The following OSBPL10 variants were observed in gnomAD, a reference collection of about 807,000 sequenced individuals.
OSBPL10 encodes the protein oxysterol binding protein like 10.
A neutral mutation model predicts 81.7 loss-of-function variants in OSBPL10; 49 were observed. The observed-to-expected ratio is 0.60, with a 90% confidence interval of 0.48 to 0.76. OSBPL10 has a LOEUF of 0.76. OSBPL10 is among the 30% of genes least tolerant of loss of function. The pLI, the probability that OSBPL10 is intolerant of heterozygous loss-of-function variation, is 0.00. For missense variants in OSBPL10, 923 were observed against 987.8 expected (o/e 0.93, Z 0.88); for synonymous variants, 419 against 383.6 (o/e 1.09, Z -1.08).
At chr3:31,900,627 T>A (rs1441638041) in intron 1 of OSBPL10, among the ~76,000 whole-genome samples, 1 of 152,236 alleles carries the variant, frequency 6.6e-6, no homozygotes, top group Non-Finnish European at 1.5e-5. Flanking sequence ...TTGTCTTTAT[T>A]CTAGAAGGGA....
intron 9 of OSBPL10, among the ~76,000 whole-genome samples, chr3:31,669,635 G>A (rs769787619): frequency 5.9e-5 from 9 of 152,094 alleles, no homozygotes; most frequent in African/African-American, 9.7e-5. Flanking sequence ...GGAGATTTGC[G>A]ACCTCTCTTT....
chr3:31,757,273 C>T (rs1188023056), intron 4 of OSBPL10, among the ~76,000 whole-genome samples: 3 of 151,932 alleles, frequency 2.0e-5, no homozygotes, highest in Non-Finnish European at 4.4e-5. Flanking sequence ...GAGGGTGGTC[C>T]CTAATCCGGT....
intron 3 of OSBPL10, among the ~76,000 whole-genome samples, chr3:31,867,278 C>T (rs549831769): frequency 1.6e-4 from 25 of 152,220 alleles, no homozygotes; most frequent in South Asian, 4.1e-4. Flanking sequence ...ATTTCTAATG[C>T]GATGAGTATC....
At chr3:31,990,314 CCATTGCAAAT>C (rs1370371278) in intron 2 of OSBPL10, 1 of 1,613,800 alleles carries the variant, frequency 6.2e-7, no homozygotes, top group African/African-American at 1.3e-5. Context: ...AATGCTACAA[CCATTGCAAAT>C]CATTGGAGAA....
At chr3:32,043,377 G>A (rs1403225724) in intron 2 of OSBPL10, among the ~76,000 whole-genome samples, 2 of 152,112 alleles carry the variant, frequency 1.3e-5, no homozygotes, top group Non-Finnish European at 2.9e-5. Context: ...CTTTTTCAAG[G>A]TGCACTGATT....
chr3:31,709,012 T>C, intron 6 of OSBPL10: 2 of 985,474 alleles, frequency 2.0e-6, no homozygotes, highest in Non-Finnish European at 2.4e-6. Context: ...CAACCAACTG[T>C]GCCTCAAAGG....
At chr3:32,050,073 T>G (rs908942543) in intron 1 of OSBPL10, among the ~76,000 whole-genome samples, 1 of 152,222 alleles carries the variant, frequency 6.6e-6, no homozygotes, top group Non-Finnish European at 1.5e-5. Flanking sequence ...CAGCAAAAAC[T>G]GGATGAAGTT....
intron 3 of OSBPL10, among the ~76,000 whole-genome samples, chr3:31,859,582 G>A (rs182937455): frequency 5.9e-5 from 9 of 152,352 alleles, no homozygotes; most frequent in Non-Finnish European, 1.0e-4. Flanking sequence ...CCATCTTGGT[G>A]AAATGGTTTT....
chr3:31,938,879 C>T (rs933979847), intron 1 of OSBPL10, among the ~76,000 whole-genome samples: 1 of 152,130 alleles, frequency 6.6e-6, no homozygotes, highest in Admixed American at 6.6e-5. Context: ...CAGACGATAA[C>T]CTCACCTCCT....
At chr3:31,868,622 T>A (rs1375675105) in intron 3 of OSBPL10, among the ~76,000 whole-genome samples, 1 of 151,896 alleles carries the variant, frequency 6.6e-6, no homozygotes, top group Non-Finnish European at 1.5e-5. Context: ...CACAAATGAA[T>A]CCACTTTCCA....
chr3:32,043,229 C>T (rs3948050), intron 2 of OSBPL10, among the ~76,000 whole-genome samples: 103,413 of 151,888 alleles, frequency 0.68, 37,610 homozygotes, highest in South Asian at 0.84. Flanking sequence ...AAGAATTTAG[C>T]GATATCTTCC....
intron 11 of OSBPL10, chr3:31,662,636 T>C (rs1575459476): frequency 1.0e-6 from 1 of 988,122 alleles, no homozygotes; most frequent in Middle Eastern, 5.2e-4. Flanking sequence ...CATCTAGTTA[T>C]GACTAGAAGG....
chr3:31,764,074 A>G (rs1208514196), intron 4 of OSBPL10, among the ~76,000 whole-genome samples: 1 of 151,910 alleles, frequency 6.6e-6, no homozygotes, highest in Admixed American at 6.5e-5. Context: ...ATAATGATAT[A>G]TAATACACAG....
At chr3:31,797,797 T>A (rs1269175913) in intron 4 of OSBPL10, 1 of 456,484 alleles carries the variant, frequency 2.2e-6, no homozygotes, top group South Asian at 1.5e-5. Flanking sequence ...TGCCAATGAC[T>A]CTCTGTGTGA....
intron 4 of OSBPL10, among the ~76,000 whole-genome samples, chr3:31,810,777 C>T (rs770868181): frequency 2.4e-4 from 37 of 152,230 alleles, no homozygotes; most frequent in Admixed American, 5.2e-4. Context: ...AAAGGTTTGA[C>T]GGCACAGTGA....
intron 4 of OSBPL10, among the ~76,000 whole-genome samples, chr3:31,767,939 C>T (rs1021889033): frequency 6.6e-6 from 1 of 152,050 alleles, no homozygotes; most frequent in East Asian, 1.9e-4. Context: ...AAAGTAAAAG[C>T]AAGTTTATTA....
In OSBPL10 at chr3:31,675,945, C is replaced by CAAAAA. The variant is rs773575072; in HGVS notation, c.1727-4967_1727-4963dup. 4.6e-4 allele frequency among the ~76,000 whole-genome samples: 27 copies of CAAAAA among 59,142 alleles called. 1 individual carries two copies. The highest frequency in any genetic ancestry group is 5.7e-4 in the Non-Finnish European group (15 of 26,402). 38.8% of individuals were successfully genotyped at this position (59,142 alleles called of 152,430 possible). A position where few individuals can be genotyped will look rare whatever the true frequency, so the allele number is the denominator to read the frequency against. On this transcript the variant is annotated intron_variant, in intron 8 of 11. Transcript: ENST00000396556. ...TGGGCGACAGAGCGAGACTCCATCT[C>CAAAAA]AAAAAAAAAAAAAAAAAAAAGAGGA...
At chr3:31,668,861 A>G in intron 9 of OSBPL10, 37 bp from the exon 10 acceptor site, 1 of 1,486,730 alleles carries the variant, frequency 6.7e-7, no homozygotes, top group Non-Finnish European at 9.0e-7. Flanking sequence ...CACTTTTCAA[A>G]ATGATAAAAA....
chr3:31,801,343 A>T (rs1699372817), intron 4 of OSBPL10, among the ~76,000 whole-genome samples: 1 of 152,222 alleles, frequency 6.6e-6, no homozygotes. Flanking sequence ...ATGCAGAGGA[A>T]GGAATGACTA....
Sources: allele counts gnomAD v4.1 joint callset (sites outside exome capture counted in the v4.1 genomes callset), GRCh38; gene constraint gnomAD v4.1.1; transcripts MANE v1.5; gene names NCBI Gene and HGNC (gene_info 2026-07-23, HGNC 2026-07-21).